NOSTRIN: variants seen among roughly 807,000 people sequenced by gnomAD.
NOSTRIN encodes nitric oxide synthase trafficking, also known as BM247 homolog.
NOSTRIN carries 63 observed loss-of-function variants against 59.0 expected under a neutral mutation model. The observed-to-expected ratio is 1.07, with a 90% CI of 0.87 to 1.32. The LOEUF is 1.32. NOSTRIN is among the 40% of genes most tolerant of loss of function. The pLI is 0.00. For missense variants in NOSTRIN, 512 were observed against 473.1 expected (o/e 1.08, Z -0.76); for synonymous variants, 200 against 165.4 (o/e 1.21, Z -1.61).
intron 1 of NOSTRIN, 117 bp downstream of exon 1, chr2:168,802,790 A>T: frequency 1.3e-6 from 1 of 782,398 alleles, no homozygotes; most frequent in South Asian, 1.5e-5. Context: ...ACACATTTAG[A>T]TATTGGCTGT....
intron 15 of NOSTRIN, among the ~76,000 whole-genome samples, chr2:168,862,708 A>ATAATG (rs1197462938): frequency 2.6e-5 from 4 of 152,324 alleles, no homozygotes; most frequent in Admixed American, 1.3e-4. Context: ...TAGTGGCTTT[A>ATAATG]TAATGTAAAC....
upstream of NOSTRIN, among the ~76,000 whole-genome samples, chr2:168,798,406 C>T (rs1685536514): frequency 6.6e-6 from 1 of 152,168 alleles, no homozygotes; most frequent in Non-Finnish European, 1.5e-5. Context: ...CTTACCAACA[C>T]CCAATATTTG....
chr2:168,862,480 A>C (rs1214043487), intron 15 of NOSTRIN, among the ~76,000 whole-genome samples: 1 of 152,160 alleles, frequency 6.6e-6, no homozygotes, highest in East Asian at 1.9e-4. Context: ...GATGTACCCC[A>C]CCTTTTTATT....
intron 4 of NOSTRIN, 30 bp downstream of exon 4, chr2:168,828,250 A>C: frequency 1.1e-6 from 1 of 872,780 alleles, no homozygotes; most frequent in Non-Finnish European, 2.0e-6. Flanking sequence ...CCTTTCTCCA[A>C]CTCCAAAGGG....
chr2:168,817,158 G>T (rs892082309), intron 2 of NOSTRIN, among the ~76,000 whole-genome samples: 5 of 152,210 alleles, frequency 3.3e-5, no homozygotes, highest in African/African-American at 1.2e-4. Flanking sequence ...ATATGGAAAA[G>T]ATGATACATT....
intron 3 of NOSTRIN, among the ~76,000 whole-genome samples, 199 bp downstream of exon 3, chr2:168,824,916 G>T (rs185207284): frequency 6.6e-6 from 1 of 151,730 alleles, no homozygotes; most frequent in Non-Finnish European, 1.5e-5. Flanking sequence ...GAGTAGCTGG[G>T]ACCATGCCCT....
At chr2:168,806,388 T>C (rs1263365556) in intron 1 of NOSTRIN, among the ~76,000 whole-genome samples, 2 of 152,174 alleles carry the variant, frequency 1.3e-5, no homozygotes, top group East Asian at 1.9e-4. Flanking sequence ...AAGCTTGATA[T>C]AGGCACTTTA....
At chr2:168,808,867 A>G (rs1685999251) in intron 1 of NOSTRIN, among the ~76,000 whole-genome samples, 1 of 152,248 alleles carries the variant, frequency 6.6e-6, no homozygotes, top group African/African-American at 2.4e-5. Context: ...TTCATATGTT[A>G]GAATAAATGC....
intron 7 of NOSTRIN, among the ~76,000 whole-genome samples, chr2:168,838,753 G>A (rs1332510935): frequency 6.6e-6 from 1 of 151,676 alleles, no homozygotes; most frequent in Non-Finnish European, 1.5e-5. Context: ...AGCCTTCAAA[G>A]GCTTCCCAAT....
chr2:168,862,194 C>G, intron 15 of NOSTRIN, 145 bp downstream of exon 15: 1 of 671,954 alleles, frequency 1.5e-6, no homozygotes, highest in Non-Finnish European at 2.6e-6. Flanking sequence ...ACATCTAAAA[C>G]AAAAGCTCGC....
intron 7 of NOSTRIN, among the ~76,000 whole-genome samples, chr2:168,842,612 A>T (rs1688166195): frequency 6.6e-6 from 1 of 152,238 alleles, no homozygotes; most frequent in African/African-American, 2.4e-5. Flanking sequence ...GCAGGAGCCC[A>T]AAAGATTTAC....
upstream of NOSTRIN, chr2:168,798,209 G>C (rs1472467726): frequency 6.6e-6 from 1 of 152,148 alleles, no homozygotes; most frequent in African/African-American, 2.4e-5. Context: ...ACTTAGAATG[G>C]TGCCTGACAC....
intron 8 of NOSTRIN, among the ~76,000 whole-genome samples, chr2:168,850,558 T>C (rs1389307534): frequency 6.6e-6 from 1 of 152,116 alleles, no homozygotes; most frequent in Non-Finnish European, 1.5e-5. Context: ...GACATGGATA[T>C]GGGCTTTCCT....
intron 11 of NOSTRIN, chr2:168,856,354 A>C (rs2105776791): frequency 3.5e-6 from 1 of 287,202 alleles, no homozygotes; most frequent in Middle Eastern, 1.2e-3. Flanking sequence ...AGGCGGGTGG[A>C]TCACAAGGTC....
At chr2:168,798,313 G>A (rs980977725), upstream of NOSTRIN, 2 of 152,170 alleles carry the variant, frequency 1.3e-5, no homozygotes, top group East Asian at 1.9e-4. Flanking sequence ...TTCTTTGCAC[G>A]CTTTGGCTAC....
Position 168,865,086 on chromosome 2 carries a change from T to C in NOSTRIN, c.*116T>C. The C allele has an allele frequency of 1.8e-6, 2 of 1,089,410 alleles. No individual in the cohort carries two copies. The highest frequency in any genetic ancestry group is 2.4e-5 in the Admixed American group (1 of 41,328). 67.5% of individuals were successfully genotyped at this position (1,089,410 alleles called of 1,614,324 possible). A position where few individuals can be genotyped will look rare whatever the true frequency, so the allele number is the denominator to read the frequency against. The stretch of plus-strand genomic sequence containing the variant: ...TTTTCTTTTGAAATGGATGGAGTTC[T>C]ACCTGCATGTCACAGCACTTTGCAT... On this transcript the variant is annotated 3_prime_UTR_variant, in exon 16 of 16. Coordinates refer to ENST00000317647, the MANE Select transcript of NOSTRIN (RefSeq NM_001039724.4).
intron 2 of NOSTRIN, among the ~76,000 whole-genome samples, chr2:168,822,904 C>T (rs1686832514): frequency 6.6e-6 from 1 of 152,220 alleles, no homozygotes; most frequent in East Asian, 1.9e-4. Flanking sequence ...TTAATCCAAT[C>T]ATAATTTATT....
intron 2 of NOSTRIN, among the ~76,000 whole-genome samples, chr2:168,823,468 G>A (rs1442115549): frequency 6.6e-6 from 1 of 152,142 alleles, no homozygotes; most frequent in East Asian, 1.9e-4. Flanking sequence ...CTCTGTCCTG[G>A]CTCCTGATGA....
chr2:168,839,925 G>A (rs56326034), intron 7 of NOSTRIN, among the ~76,000 whole-genome samples: 4,531 of 88,970 alleles, frequency 0.051, 129 homozygotes, highest in Non-Finnish European at 0.062. Context: ...ATATATATGT[G>A]TGTGTGTGTG....
Sources: gnomAD v4.1 joint callset for allele counts (sites outside exome capture counted in the v4.1 genomes callset) on GRCh38, gnomAD v4.1.1 for gene constraint, MANE v1.5 for transcripts, NCBI Gene and HGNC (gene_info 2026-07-23, HGNC 2026-07-21) for gene names.